CPB1: variants seen among roughly 807,000 people sequenced by gnomAD.
The protein encoded by CPB1 is carboxypeptidase B1.
Under a neutral mutation model 51.4 loss-of-function variants are expected in CPB1, and 53 were observed. That is an observed-to-expected ratio of 1.03 (90% CI 0.83 to 1.30). The LOEUF is 1.30. Among genes scored for constraint, CPB1 ranks in the 50% most tolerant of loss-of-function variants. The pLI is 0.00. For missense variants in CPB1, 494 were observed against 516.2 expected (o/e 0.96, Z 0.42); for synonymous variants, 189 against 186.9 (o/e 1.01, Z -0.09).
At chr3:148,848,841 G>A (rs1713332311) in intron 9 of CPB1, among the ~76,000 whole-genome samples, 1 of 152,192 alleles carries the variant, frequency 6.6e-6, no homozygotes, top group Non-Finnish European at 1.5e-5. Flanking sequence ...TCTAAGATAT[G>A]TTTAGCAGAG....
chr3:148,856,557 T>G (rs2108022228), intron 9 of CPB1: 1 of 152,336 alleles, frequency 6.6e-6, no homozygotes, highest in East Asian at 1.9e-4. Flanking sequence ...CCGGAATGAA[T>G]TATGGCTAAT....
At chr3:148,852,356 C>G (rs1270385978) in intron 9 of CPB1, among the ~76,000 whole-genome samples, 1 of 152,152 alleles carries the variant, frequency 6.6e-6, no homozygotes, top group African/African-American at 2.4e-5. Context: ...CTGTCGAGCT[C>G]TACTGGCATC....
intron 9 of CPB1, chr3:148,851,535 G>T (rs1315822903): frequency 1.3e-5 from 2 of 152,230 alleles, no homozygotes; most frequent in East Asian, 3.9e-4. Flanking sequence ...GAACAGAATT[G>T]GGAGTTTCCA....
At position 148,844,362 on chromosome 3, in the gene CPB1, C is replaced by T. The variant is rs948029993; in HGVS notation, c.577-116C>T. ...GCTTTTTAAATATTAATATTGTCCA[C>T]CTCAATAGGAAATGCTGCTCTTATT... On this transcript the variant is annotated intron_variant, in intron 6 of 10. Transcript: ENST00000282957. The T allele has an allele frequency of 1.0e-5, 7 of 674,378 alleles. No homozygotes were observed. The East Asian group carries it at 1.6e-4, about 16-fold the overall frequency. 41.8% of individuals were successfully genotyped at this position (674,378 alleles called of 1,614,324 possible).
rs570151345 is a variant in CPB1, at chr3:148,830,901, T to C, written c.147+2824T>C. On this transcript the variant is annotated intron_variant, in intron 2 of 10. Transcript: ENST00000282957. ...CTTTATTCTTTTATTTTCAACATGA[T>C]TGAAATGAGATTTTCATTCTCCTTA... 5.3e-5 allele frequency among the ~76,000 whole-genome samples: 8 copies of C among 152,350 alleles called. No homozygotes were observed. In the East Asian group the frequency reaches 1.5e-3, roughly 29 times the overall value.
intron 3 of CPB1, among the ~76,000 whole-genome samples, chr3:148,837,441 T>G (rs1455939931): frequency 6.6e-6 from 1 of 151,534 alleles, no homozygotes; most frequent in African/African-American, 2.4e-5. Context: ...GTTCCTTACT[T>G]TTTTGGGAGT....
chr3:148,848,471 T>C (rs1043428870), intron 9 of CPB1, among the ~76,000 whole-genome samples: 4 of 152,126 alleles, frequency 2.6e-5, no homozygotes, highest in Non-Finnish European at 4.4e-5. Context: ...AAGTCATTGG[T>C]GTACAAGAGA....
At chr3:148,827,918 C>A in intron 1 of CPB1, 24 bp downstream of exon 1, 1 of 1,613,276 alleles carries the variant, frequency 6.2e-7, no homozygotes, top group Admixed American at 1.7e-5. Flanking sequence ...CTTTAAGGAG[C>A]AAGTCCTTCT....
chr3:148,842,928 C>A (rs1713129156), intron 6 of CPB1, among the ~76,000 whole-genome samples: 1 of 152,136 alleles, frequency 6.6e-6, no homozygotes, highest in Non-Finnish European at 1.5e-5. Context: ...TAAATGACCT[C>A]CCTTTAATCA....
In CPB1 at chr3:148,860,172, C is replaced by A; in HGVS notation, c.*170C>A. 1.6e-6 allele frequency: 1 copy of A among 627,262 alleles called. No homozygotes were observed. Among genetic ancestry groups the A allele is most frequent in the South Asian group, 2.2e-5 (1 of 45,104 alleles). The allele number at this position is 627,262 out of a possible 1,614,324, so 38.9% of individuals were successfully genotyped here. A position where few individuals can be genotyped will look rare whatever the true frequency, so the allele number is the denominator to read the frequency against. ...CGTATTGATCATAATAAAAGTGAAT[C>A]ATTACTATTGGAAAACTTGACATAT... On this transcript the variant is annotated 3_prime_UTR_variant, in exon 11 of 11. Coordinates refer to ENST00000282957, the MANE Select transcript of CPB1 (RefSeq NM_001871.3).
intron 2 of CPB1, among the ~76,000 whole-genome samples, chr3:148,830,202 GT>G (rs1559955538): frequency 6.6e-6 from 1 of 152,126 alleles, no homozygotes; most frequent in South Asian, 2.1e-4. Context: ...ACCTGTTTTC[GT>G]GTTTATAAAA....
chr3:148,846,768 T>G, intron 9 of CPB1, among the ~76,000 whole-genome samples: 1 of 120,210 alleles, frequency 8.3e-6, no homozygotes, highest in Non-Finnish European at 1.7e-5. Flanking sequence ...TATATATATA[T>G]ATACACATAT....
At chr3:148,844,414 G>C in intron 6 of CPB1, 64 bp from the exon 7 acceptor site, 1 of 1,225,134 alleles carries the variant, frequency 8.2e-7, no homozygotes, top group South Asian at 1.3e-5. Context: ...AACAGTCTTT[G>C]TAAATTTTAA....
At chr3:148,850,341 A>G (rs1478704912) in intron 9 of CPB1, among the ~76,000 whole-genome samples, 1 of 151,912 alleles carries the variant, frequency 6.6e-6, no homozygotes, top group African/African-American at 2.4e-5. Flanking sequence ...TCGCTCTATC[A>G]CCCAGGCTGG....
chr3:148,842,053 A>C, intron 6 of CPB1, 129 bp downstream of exon 6: 1 of 692,968 alleles, frequency 1.4e-6, no homozygotes, highest in Non-Finnish European at 2.4e-6. Context: ...TTTGGAAATT[A>C]GTTTCAACTT....
intron 9 of CPB1, chr3:148,857,081 T>TTTTTC: frequency 6.5e-6 from 1 of 154,912 alleles, no homozygotes; most frequent in Non-Finnish European, 1.4e-5. Flanking sequence ...TTTTTTTTTT[T>TTTTTC]TTTGCTTTGT....
At chr3:148,843,557 G>A (rs914924494) in intron 6 of CPB1, among the ~76,000 whole-genome samples, 4 of 151,896 alleles carry the variant, frequency 2.6e-5, no homozygotes, top group Non-Finnish European at 5.9e-5. Flanking sequence ...TTTCCAATTT[G>A]TAGACCATTA....
intron 9 of CPB1, chr3:148,854,369 T>C (rs1713516618): frequency 6.6e-6 from 1 of 152,226 alleles, no homozygotes; most frequent in Non-Finnish European, 1.5e-5. Flanking sequence ...GTTAAGATAA[T>C]TGGAATTTAA....
intron 3 of CPB1, among the ~76,000 whole-genome samples, chr3:148,837,747 C>G (rs1267610078): frequency 6.6e-6 from 1 of 151,914 alleles, no homozygotes; most frequent in Non-Finnish European, 1.5e-5. Context: ...CAACACATTT[C>G]AACCTCACTC....
Sources: allele counts gnomAD v4.1 joint callset (sites outside exome capture counted in the v4.1 genomes callset), GRCh38; gene constraint gnomAD v4.1.1; transcripts MANE v1.5; gene names NCBI Gene and HGNC (gene_info 2026-07-23, HGNC 2026-07-21).